The following NSMCE1 variants were observed in gnomAD, a reference collection of about 807,000 sequenced individuals.
NSMCE1 encodes the protein non-structural maintenance of chromosomes element 1 homolog.
NSMCE1 carries 18 observed loss-of-function variants against 29.6 expected under a neutral mutation model. The ratio of observed to expected loss-of-function variants is 0.61; its 90% CI spans 0.42 to 0.90. NSMCE1 has a LOEUF of 0.90. Among genes scored for constraint, NSMCE1 ranks in the 40% least tolerant of loss-of-function variants. The probability of loss-of-function intolerance (pLI) is 0.00; values close to 1 mark genes in which losing one functional copy is unlikely to be tolerated. For synonymous variants in NSMCE1, 124 were observed against 133.4 expected (o/e 0.93, Z 0.49); for missense variants, 314 against 343.6 (o/e 0.91, Z 0.68).
At chr16:27,262,947 G>C (rs1300405100) in intron 1 of NSMCE1, among the ~76,000 whole-genome samples, 4 of 152,012 alleles carry the variant, frequency 2.6e-5, no homozygotes, top group Non-Finnish European at 5.9e-5. Context: ...TGAAAAAAAA[G>C]CTCAGTATCA....
chr16:27,233,037 C>A lies in NSMCE1; in HGVS notation c.447G>T (p.Val149=), dbSNP rs776348231. The A allele has an allele frequency of 1.0e-4, 164 of 1,614,098 alleles. No individual in the cohort carries two copies. The highest frequency in any genetic ancestry group is 1.3e-4 in the Non-Finnish European group (156 of 1,180,022). Residue 149 remains valine, a synonymous_variant, in exon 5 of 8, where the codon GTG becomes GTT. Coordinates refer to ENST00000361439, the MANE Select transcript of NSMCE1 (RefSeq NM_145080.4). ...ACTTGTTTTGAACAAACTTCTGCAGCACCTGCTCCGCTTCCTTCTTCCTCA... is the reference window on the plus strand; with the variant it reads ...ACTTGTTTTGAACAAACTTCTGCAGAACCTGCTCCGCTTCCTTCTTCCTCA... The part of the protein sequence containing the change: ...KKMRKKEAEQ[V]LQKFVQNKWL...
chr16:27,248,651 C>T (rs1323758236), intron 2 of NSMCE1, among the ~76,000 whole-genome samples: 1 of 152,034 alleles, frequency 6.6e-6, no homozygotes, highest in Non-Finnish European at 1.5e-5. Flanking sequence ...CCTCGTGATC[C>T]ACCCACCTCG....
chr16:27,264,553 G>T (rs2084198151), intron 1 of NSMCE1, among the ~76,000 whole-genome samples: 1 of 152,078 alleles, frequency 6.6e-6, no homozygotes, highest in Admixed American at 6.5e-5. Context: ...CCAATAAAAG[G>T]TGCCAGGAAA....
chr16:27,229,585 T>C (rs1367466714), intron 5 of NSMCE1, among the ~76,000 whole-genome samples: 1 of 152,208 alleles, frequency 6.6e-6, no homozygotes, highest in African/African-American at 2.4e-5. Flanking sequence ...TTTTTATTTA[T>C]TTATTTGAGA....
Position 27,225,088 on chromosome 16 carries a change from C to G in NSMCE1, c.*69G>C. 1.1e-6 allele frequency: 1 copy of G among 885,684 alleles called. No homozygotes were observed. The highest frequency in any genetic ancestry group is 1.8e-6 in the Non-Finnish European group (1 of 540,768). 54.9% of individuals were successfully genotyped at this position (885,684 alleles called of 1,614,324 possible). A position where few individuals can be genotyped will look rare whatever the true frequency, so the allele number is the denominator to read the frequency against. Reference sequence around the variant, plus strand: ...CGCGTGGAACCTGAAACACGGACGCCTTTCTTCCAAGAAGGGCTGTGGCGA... The same window carrying G: ...CGCGTGGAACCTGAAACACGGACGCGTTTCTTCCAAGAAGGGCTGTGGCGA... On this transcript the variant is annotated 3_prime_UTR_variant, in exon 8 of 8. Coordinates refer to ENST00000361439, the MANE Select transcript of NSMCE1 (RefSeq NM_145080.4).
intron 1 of NSMCE1, among the ~76,000 whole-genome samples, chr16:27,259,998 C>G (rs1260970932): frequency 2.6e-5 from 4 of 152,088 alleles, no homozygotes; most frequent in Admixed American, 1.3e-4. Flanking sequence ...CCAGCAGGTG[C>G]TCCCTAAAGG....
chr16:27,228,964 C>T (rs1567272017), intron 5 of NSMCE1, among the ~76,000 whole-genome samples: 3 of 152,080 alleles, frequency 2.0e-5, no homozygotes, highest in Admixed American at 6.5e-5. Flanking sequence ...TCCTGCTGCT[C>T]TCTGAGCCCA....
At chr16:27,245,029 AC>A (rs1302485123) in intron 2 of NSMCE1, among the ~76,000 whole-genome samples, 1 of 151,914 alleles carries the variant, frequency 6.6e-6, no homozygotes, top group Non-Finnish European at 1.5e-5. Context: ...TCTGATAGTC[AC>A]CCCCCACCAC....
rs2083702162 is a variant in NSMCE1 at position 27,226,828 on chromosome 16, C to T, written c.492G>A (p.Gly164=). Reference sequence around the variant, plus strand: ...TGGCCCGGCCGTGCAGGGTGAACTCCCCTTCCTTCTGCAGGGACACACAGG... The same window carrying T: ...TGGCCCGGCCGTGCAGGGTGAACTCTCCTTCCTTCTGCAGGGACACACAGG... ...VQNKWLIEKE[G]EFTLHGRAIL... is the part of the protein sequence containing the mutation. Residue 164 remains glycine, a synonymous_variant, in exon 6 of 8, where the codon GGG becomes GGA. Transcript: ENST00000361439. The T allele has an allele frequency of 6.2e-7, 1 of 1,610,470 alleles. No individual in the cohort carries two copies. Among genetic ancestry groups the T allele is most frequent in the Non-Finnish European group, 8.5e-7 (1 of 1,176,772 alleles).
intron 2 of NSMCE1, 129 bp from the exon 3 acceptor site, chr16:27,235,428 G>C: frequency 1.0e-6 from 1 of 991,860 alleles, no homozygotes; most frequent in African/African-American, 1.6e-5. Context: ...GGAGGCTGCA[G>C]CCTCTTGGGT....
At chr16:27,251,549 C>A (rs2084035963) in intron 2 of NSMCE1, among the ~76,000 whole-genome samples, 1 of 152,118 alleles carries the variant, frequency 6.6e-6, no homozygotes, top group African/African-American at 2.4e-5. Context: ...AACGTCTACG[C>A]TCATGAGGAG....
intron 2 of NSMCE1, among the ~76,000 whole-genome samples, chr16:27,246,695 G>T (rs1262324968): frequency 6.6e-6 from 1 of 152,072 alleles, no homozygotes; most frequent in African/African-American, 2.4e-5. Flanking sequence ...TCGCCATGTT[G>T]CCCAGGTTTG....
At chr16:27,227,783 CTTTTTTT>C (rs1239133211) in intron 5 of NSMCE1, among the ~76,000 whole-genome samples, 1 of 65,972 alleles carries the variant, frequency 1.5e-5, no homozygotes, top group African/African-American at 4.2e-5. Context: ...CTTTTCTTTT[CTTTTTTT>C]TTTTTTTTTT....
chr16:27,238,517 C>T (rs186506375), intron 2 of NSMCE1, among the ~76,000 whole-genome samples: 45 of 150,572 alleles, frequency 3.0e-4, no homozygotes, highest in Admixed American at 9.9e-4. Context: ...CCATGTCCCT[C>T]CCTAACGAGA....
At position 27,234,897 on chromosome 16, in the gene NSMCE1, C is replaced by A. The variant is rs894316718; in HGVS notation, c.258+281G>T. ...GAGTCGGCGGCAGGAGGGATGAGGC[C>A]CAAATCCCTACCTGTGAGAGTAAAT... On this transcript the variant is annotated intron_variant, in intron 3 of 7. Transcript: ENST00000361439. 5.3e-5 allele frequency among the ~76,000 whole-genome samples: 8 copies of A among 152,314 alleles called. No individual in the cohort carries two copies. In the East Asian group the frequency reaches 1.2e-3, roughly 22 times the overall value.
At chr16:27,251,184 ATATATAAATATATATATATATAT>A (rs199976503) in intron 2 of NSMCE1, among the ~76,000 whole-genome samples, 6,179 of 103,404 alleles carry the variant, frequency 0.06, 432 homozygotes, top group African/African-American at 0.3. Flanking sequence ...ATATATATAT[ATATATAAATATATATATATATAT>A]AAAACTCTGT....
intron 2 of NSMCE1, among the ~76,000 whole-genome samples, chr16:27,236,852 G>A (rs368492337): frequency 2.6e-5 from 4 of 152,272 alleles, no homozygotes; most frequent in Admixed American, 6.5e-5. Context: ...GGGACTAAAC[G>A]AAGGGTCATC....
At chr16:27,259,031 G>A (rs1364721658) in intron 1 of NSMCE1, among the ~76,000 whole-genome samples, 1 of 152,138 alleles carries the variant, frequency 6.6e-6, no homozygotes, top group Non-Finnish European at 1.5e-5. Flanking sequence ...ATTACAGTGT[G>A]AGCCACCACG....
In NSMCE1 at chr16:27,268,737, A is replaced by G. The variant is rs560813490; in HGVS notation, c.-43T>C. On this transcript the variant is annotated 5_prime_UTR_variant, in exon 1 of 8. Transcript: ENST00000361439. ...GCCCAAGCGCATCCCAGGCCGCGCT[A>G]GCGGATACGGTCGCAAGGTGGACTC... is the stretch of plus-strand genomic sequence containing the variant. The G allele has an allele frequency of 2.0e-5, 3 of 152,832 alleles. No individual in the cohort carries two copies. The highest frequency in any genetic ancestry group is 4.4e-5 in the Non-Finnish European group (3 of 68,106). 9.5% of individuals were successfully genotyped at this position (152,832 alleles called of 1,614,324 possible).
Sources: gnomAD v4.1 joint callset for allele counts (sites outside exome capture counted in the v4.1 genomes callset) on GRCh38, gnomAD v4.1.1 for gene constraint, MANE v1.5 for transcripts, NCBI Gene and HGNC (gene_info 2026-07-23, HGNC 2026-07-21) for gene names.